Variants in MSRB3 observed in about 807,000 individuals in gnomAD.
The protein encoded by MSRB3 is methionine sulfoxide reductase B3.
MSRB3 carries 13 observed loss-of-function variants against 21.0 expected under a neutral mutation model. The ratio of observed to expected loss-of-function variants is 0.62; its 90% CI spans 0.40 to 0.98. The LOEUF is 0.98. MSRB3 is among the 50% of genes least tolerant of loss of function. MSRB3 has a pLI of 0.00. For synonymous variants in MSRB3, 87 were observed against 88.6 expected, an observed-to-expected ratio of 0.98 and a Z score of 0.10; for missense variants, 199 against 230.3, an observed-to-expected ratio of 0.86 and a Z score of 0.88.
At chr12:65,396,738 A>C in intron 5 of MSRB3, among the ~76,000 whole-genome samples, 1 of 149,958 alleles carries the variant, frequency 6.7e-6, no homozygotes, top group Non-Finnish European at 1.5e-5. Context: ...GAAAGAAAGA[A>C]AGAAAGAAAG....
rs1257548975 is a variant in MSRB3, at chr12:65,376,450, C to G, written c.292+7424C>G. 3.3e-5 allele frequency among the ~76,000 whole-genome samples: 5 copies of G among 152,290 alleles called. No individual in the cohort carries two copies. The East Asian group carries it at 9.6e-4, about 29-fold the overall frequency. On this transcript the variant is annotated intron_variant, in intron 5 of 6. Transcript: ENST00000308259. ...TTAGATATTACCATCCCTGTGTTGT[C>G]AGCTCCACATACTCCATAAGTCTGG... is the stretch of plus-strand genomic sequence containing the variant.
chr12:65,392,353 A>T (rs747534643), intron 5 of MSRB3, among the ~76,000 whole-genome samples: 3 of 152,226 alleles, frequency 2.0e-5, no homozygotes, highest in Non-Finnish European at 4.4e-5. Context: ...TGCATCTAGC[A>T]TACTTCTTGA....
chr12:65,343,243 T>C (rs1435575694), intron 4 of MSRB3, among the ~76,000 whole-genome samples: 1 of 152,130 alleles, frequency 6.6e-6, no homozygotes, highest in African/African-American at 2.4e-5. Context: ...TGGTAGATAC[T>C]TTGCCCACTG....
At chr12:65,438,230 G>A (rs1191989974) in intron 5 of MSRB3, among the ~76,000 whole-genome samples, 1 of 151,902 alleles carries the variant, frequency 6.6e-6, no homozygotes, top group Non-Finnish European at 1.5e-5. Flanking sequence ...AAACAATTCA[G>A]TAGGTGAGTT....
intron 4 of MSRB3, among the ~76,000 whole-genome samples, chr12:65,330,316 G>GT (rs1875327963): frequency 6.6e-6 from 1 of 152,146 alleles, no homozygotes; most frequent in East Asian, 1.9e-4. Context: ...ATGTGATATT[G>GT]CCTCTATTTC....
At chr12:65,414,411 C>T (rs1210863749) in intron 5 of MSRB3, among the ~76,000 whole-genome samples, 1 of 151,996 alleles carries the variant, frequency 6.6e-6, no homozygotes, top group African/African-American at 2.4e-5. Context: ...ATGGTGGTCC[C>T]ATAAGATTAT....
intron 1 of MSRB3, among the ~76,000 whole-genome samples, chr12:65,290,179 A>G (rs1180178760): frequency 6.6e-6 from 1 of 152,142 alleles, no homozygotes; most frequent in Non-Finnish European, 1.5e-5. Flanking sequence ...CCACTTACAG[A>G]TATGTGCTAT....
At chr12:65,321,882 A>G (rs1874689160) in intron 2 of MSRB3, among the ~76,000 whole-genome samples, 1 of 152,162 alleles carries the variant, frequency 6.6e-6, no homozygotes. Context: ...CATGAACTTT[A>G]CTGTTTTAAC....
At chr12:65,421,445 T>C (rs1224099983) in intron 5 of MSRB3, among the ~76,000 whole-genome samples, 4 of 152,250 alleles carry the variant, frequency 2.6e-5, no homozygotes, top group African/African-American at 7.2e-5. Context: ...TTTCTTTTGC[T>C]GTGCAGAAGC....
intron 6 of MSRB3, chr12:65,454,043 G>C: frequency 1.5e-6 from 1 of 657,228 alleles, no homozygotes; most frequent in South Asian, 1.7e-5. Flanking sequence ...CATACTTTGA[G>C]AGGGCCAAGT....
Position 65,463,735 on chromosome 12 carries a change from A to G in MSRB3, c.*413A>G, listed in dbSNP as rs1883436517. 1 of 219,378 alleles carries G rather than the reference A, an allele frequency of 4.6e-6. No individual in the cohort carries two copies. The highest frequency in any genetic ancestry group is 9.1e-6 in the Non-Finnish European group (1 of 109,730). 13.6% of individuals were successfully genotyped at this position (219,378 alleles called of 1,614,324 possible). Reference sequence around the variant, plus strand: ...CAGGGCATGGAGACCTGCAAGACACATGGCCTTGAGGCCTTTGCACAGACC... The same window carrying G: ...CAGGGCATGGAGACCTGCAAGACACGTGGCCTTGAGGCCTTTGCACAGACC... On this transcript the variant is annotated 3_prime_UTR_variant, in exon 7 of 7. Transcript: ENST00000308259.
At chr12:65,394,734 C>T (rs1347658115) in intron 5 of MSRB3, among the ~76,000 whole-genome samples, 4 of 152,136 alleles carry the variant, frequency 2.6e-5, no homozygotes, top group African/African-American at 9.7e-5. Context: ...TAAAACATAA[C>T]CAAGTGTGAT....
intron 5 of MSRB3, among the ~76,000 whole-genome samples, chr12:65,382,734 T>C (rs762755425): frequency 4.2e-4 from 64 of 152,108 alleles, no homozygotes; most frequent in Non-Finnish European, 4.3e-4. Flanking sequence ...TACTAATATA[T>C]TTATTTTTTC....
chr12:65,428,765 T>A (rs984663652), intron 5 of MSRB3, among the ~76,000 whole-genome samples: 2 of 152,120 alleles, frequency 1.3e-5, no homozygotes, highest in African/African-American at 4.8e-5. Flanking sequence ...TTTCTCTACT[T>A]CCCACCCCCA....
chr12:65,401,384 C>T (rs551128275), intron 5 of MSRB3, among the ~76,000 whole-genome samples: 26 of 152,118 alleles, frequency 1.7e-4, no homozygotes, highest in Non-Finnish European at 3.2e-4. Flanking sequence ...ATGTATCTTT[C>T]GATCTTTGTT....
At chr12:65,374,754 G>A (rs150248719) in intron 5 of MSRB3, among the ~76,000 whole-genome samples, 2 of 152,108 alleles carry the variant, frequency 1.3e-5, no homozygotes, top group Non-Finnish European at 2.9e-5. Flanking sequence ...ACAAATATTT[G>A]TGAATACCGT....
intron 5 of MSRB3, among the ~76,000 whole-genome samples, chr12:65,399,637 T>C (rs900837923): frequency 2.6e-5 from 4 of 152,166 alleles, no homozygotes; most frequent in Admixed American, 6.5e-5. Context: ...TCCAATACTA[T>C]GTTGAATAGG....
chr12:65,309,446 G>A (rs1194177723), intron 2 of MSRB3, among the ~76,000 whole-genome samples: 1 of 152,116 alleles, frequency 6.6e-6, no homozygotes, highest in African/African-American at 2.4e-5. Flanking sequence ...AACTATGCAT[G>A]CCAGGCATTG....
intron 4 of MSRB3, among the ~76,000 whole-genome samples, chr12:65,364,961 C>T (rs1376560283): frequency 6.6e-6 from 1 of 151,958 alleles, no homozygotes; most frequent in Non-Finnish European, 1.5e-5. Context: ...TACCCAAGGC[C>T]ATTAATTGGT....
Sources: gnomAD v4.1 joint callset for allele counts (sites outside exome capture counted in the v4.1 genomes callset) on GRCh38, gnomAD v4.1.1 for gene constraint, MANE v1.5 for transcripts, NCBI Gene and HGNC (gene_info 2026-07-23, HGNC 2026-07-21) for gene names.